Variants in PDZRN4 observed in about 807,000 individuals in gnomAD.
PDZRN4 encodes PDZ domain containing ring finger 4, also known as PDZ domain-containing RING finger protein 4.
In PDZRN4, 70 loss-of-function variants were observed where a neutral mutation model predicts 99.0. That is an observed-to-expected ratio of 0.71 (90% CI 0.58 to 0.86). The LOEUF (loss-of-function observed/expected upper bound fraction) is 0.86, where lower values mean the gene tolerates loss of function less well. PDZRN4 is among the 40% of genes least tolerant of loss of function. The pLI is 0.00. For missense variants in PDZRN4, 1,474 were observed against 1,331.2 expected, an observed-to-expected ratio of 1.11 and a Z score of -1.67; for synonymous variants, 551 against 501.6, an observed-to-expected ratio of 1.10 and a Z score of -1.32.
chr12:41,561,609 CTATATA>C (rs3075048), intron 7 of PDZRN4, among the ~76,000 whole-genome samples: 4 of 145,178 alleles, frequency 2.8e-5, no homozygotes, highest in African/African-American at 1.0e-4. Context: ...TATATAAAGA[CTATATA>C]TATATATATA....
intron 3 of PDZRN4, among the ~76,000 whole-genome samples, chr12:41,337,364 C>A (rs909624421): frequency 2.0e-5 from 3 of 152,020 alleles, no homozygotes; most frequent in Non-Finnish European, 4.4e-5. Context: ...TCCAGTTTCT[C>A]AAATGGTACC....
At chr12:41,477,357 A>G (rs1312590089) in intron 3 of PDZRN4, among the ~76,000 whole-genome samples, 1 of 152,202 alleles carries the variant, frequency 6.6e-6, no homozygotes, top group Non-Finnish European at 1.5e-5. Context: ...GAAGGCACTC[A>G]CGGGAATGAA....
At chr12:41,451,912 A>C (rs1379502486) in intron 3 of PDZRN4, among the ~76,000 whole-genome samples, 1 of 152,146 alleles carries the variant, frequency 6.6e-6, no homozygotes, top group African/African-American at 2.4e-5. Flanking sequence ...TCTCACTTTG[A>C]AGTTTGCTTT....
intron 5 of PDZRN4, among the ~76,000 whole-genome samples, chr12:41,532,335 GT>G (rs1014096505): frequency 1.3e-5 from 2 of 152,094 alleles, no homozygotes; most frequent in African/African-American, 2.4e-5. Flanking sequence ...TTTATAAGAA[GT>G]CTTGGTAGCT....
rs186904035 is a variant in PDZRN4, at chr12:41,222,524, C to T, written c.843+28336C>T. Among the ~76,000 whole-genome samples the T allele has an allele frequency of 6.6e-5, 10 of 152,062 alleles. No homozygotes were observed. In the East Asian group the frequency reaches 1.4e-3, roughly 21 times the overall value. On this transcript the variant is annotated intron_variant, in intron 3 of 9. Transcript: ENST00000402685. ...AAAATGTAATATATTACTATTATTT[C>T]TATTTTTTTATTGAGATGGAGTCTC...
At chr12:41,276,106 T>C (rs1047568551) in intron 3 of PDZRN4, among the ~76,000 whole-genome samples, 1 of 152,162 alleles carries the variant, frequency 6.6e-6, no homozygotes, top group African/African-American at 2.4e-5. Context: ...TCGATAGGGA[T>C]GACAGCAATC....
intron 3 of PDZRN4, 22 bp from the exon 4 acceptor site, chr12:41,506,434 C>A: frequency 6.3e-7 from 1 of 1,583,480 alleles, no homozygotes; most frequent in Non-Finnish European, 8.6e-7. Context: ...CTGAGATGAA[C>A]AATGTCCTTA....
intron 3 of PDZRN4, among the ~76,000 whole-genome samples, chr12:41,243,980 T>C (rs1398798942): frequency 6.6e-6 from 1 of 152,186 alleles, no homozygotes; most frequent in Non-Finnish European, 1.5e-5. Flanking sequence ...TCTCAGGTGA[T>C]CTCAGCCAGA....
chr12:41,535,095 TGTTA>T (rs1938727087), intron 5 of PDZRN4, among the ~76,000 whole-genome samples: 1 of 152,254 alleles, frequency 6.6e-6, no homozygotes, highest in African/African-American at 2.4e-5. Flanking sequence ...TCTTTCTTCA[TGTTA>T]GTTATTTTTA....
chr12:41,392,036 C>A (rs1372309026), intron 3 of PDZRN4, among the ~76,000 whole-genome samples: 1 of 152,074 alleles, frequency 6.6e-6, no homozygotes, highest in Non-Finnish European at 1.5e-5. Context: ...AATGGAGAAA[C>A]TTGTTTTTTG....
At chr12:41,341,758 A>G (rs1414441519) in intron 3 of PDZRN4, among the ~76,000 whole-genome samples, 1 of 151,982 alleles carries the variant, frequency 6.6e-6, no homozygotes, top group Non-Finnish European at 1.5e-5. Flanking sequence ...TAACACTGTT[A>G]AAACAGCCAT....
intron 3 of PDZRN4, among the ~76,000 whole-genome samples, chr12:41,366,631 A>G (rs1406190934): frequency 1.3e-5 from 2 of 152,134 alleles, no homozygotes; most frequent in African/African-American, 4.8e-5. Flanking sequence ...TTTCTTTAGT[A>G]AGACTTCAGC....
chr12:41,231,940 A>G (rs931180399), intron 3 of PDZRN4, among the ~76,000 whole-genome samples: 2 of 152,094 alleles, frequency 1.3e-5, no homozygotes, highest in Non-Finnish European at 2.9e-5. Context: ...CTAAATTTAA[A>G]GTATATTAAA....
intron 3 of PDZRN4, among the ~76,000 whole-genome samples, chr12:41,399,350 C>T (rs1952273395): frequency 1.3e-5 from 2 of 152,116 alleles, no homozygotes; most frequent in African/African-American, 4.8e-5. Flanking sequence ...ATTGCTTATT[C>T]TTTCTGCCTA....
At chr12:41,558,849 ACT>A (rs1848932814) in intron 7 of PDZRN4, among the ~76,000 whole-genome samples, 1 of 152,160 alleles carries the variant, frequency 6.6e-6, no homozygotes, top group Non-Finnish European at 1.5e-5. Flanking sequence ...ATTAAGTAAA[ACT>A]CTGACAAAAT....
intron 5 of PDZRN4, among the ~76,000 whole-genome samples, chr12:41,519,318 C>T (rs973850535): frequency 9.9e-5 from 15 of 151,992 alleles, no homozygotes; most frequent in African/African-American, 3.1e-4. Flanking sequence ...CTCTCAACTA[C>T]GTGCTTTAGA....
At chr12:41,373,353 A>G (rs938623021) in intron 3 of PDZRN4, among the ~76,000 whole-genome samples, 1 of 152,122 alleles carries the variant, frequency 6.6e-6, no homozygotes, top group African/African-American at 2.4e-5. Flanking sequence ...TGGGAGCGCT[A>G]CAGGAGACTG....
At chr12:41,494,466 T>C (rs1466172258) in intron 3 of PDZRN4, among the ~76,000 whole-genome samples, 1 of 152,106 alleles carries the variant, frequency 6.6e-6, no homozygotes, top group Non-Finnish European at 1.5e-5. Context: ...GTTACTGTTG[T>C]TGTTATTATA....
At chr12:41,494,019 G>A (rs1937943844) in intron 3 of PDZRN4, among the ~76,000 whole-genome samples, 1 of 150,358 alleles carries the variant, frequency 6.7e-6, no homozygotes, top group Non-Finnish European at 1.5e-5. Flanking sequence ...AGAGCATTTT[G>A]TCTAACCTAT....
Sources: gnomAD v4.1 joint callset for allele counts (sites outside exome capture counted in the v4.1 genomes callset) on GRCh38, gnomAD v4.1.1 for gene constraint, MANE v1.5 for transcripts, NCBI Gene and HGNC (gene_info 2026-07-23, HGNC 2026-07-21) for gene names.